ATRNL1: variants seen among roughly 807,000 people sequenced by gnomAD.
ATRNL1 encodes the protein attractin like 1, also known as attractin-like protein 1.
In ATRNL1, 95 loss-of-function variants were observed where a neutral mutation model predicts 182.7. The observed-to-expected ratio is 0.52, with a 90% CI of 0.44 to 0.62. ATRNL1 has a LOEUF of 0.62. ATRNL1 is among the 20% of genes least tolerant of loss of function. The pLI, the probability that ATRNL1 is intolerant of heterozygous loss-of-function variation, is 0.00. For missense variants in ATRNL1, 1,471 were observed against 1,679.5 expected (o/e 0.88, Z 2.17); for synonymous variants, 576 against 568.3 (o/e 1.01, Z -0.19).
intron 20 of ATRNL1, among the ~76,000 whole-genome samples, chr10:115,398,010 A>T (rs1436153622): frequency 1.3e-5 from 2 of 151,920 alleles, no homozygotes; most frequent in African/African-American, 4.8e-5. Context: ...AGGGTAGTTG[A>T]TATTTGGCGG....
At chr10:115,307,482 G>C (rs1853792795) in intron 17 of ATRNL1, among the ~76,000 whole-genome samples, 1 of 152,066 alleles carries the variant, frequency 6.6e-6, no homozygotes, top group Admixed American at 6.6e-5. Context: ...GGCTGGTCTT[G>C]AACTCCTGAC....
At chr10:115,610,321 A>T (rs1307432098) in intron 26 of ATRNL1, among the ~76,000 whole-genome samples, 1 of 152,208 alleles carries the variant, frequency 6.6e-6, no homozygotes, top group Non-Finnish European at 1.5e-5. Flanking sequence ...GAGGAAATTT[A>T]ATAAACGAAT....
intron 28 of ATRNL1, among the ~76,000 whole-genome samples, chr10:115,911,354 G>A (rs1952672355): frequency 1.3e-5 from 2 of 151,886 alleles, no homozygotes; most frequent in African/African-American, 4.8e-5. Context: ...TTTCACTCTT[G>A]TTGCCCAGGC....
chr10:115,321,017 C>G (rs1300620246), intron 18 of ATRNL1, among the ~76,000 whole-genome samples: 1 of 152,018 alleles, frequency 6.6e-6, no homozygotes, highest in Non-Finnish European at 1.5e-5. Context: ...TTGAGTTTGT[C>G]TAGTTTTGAG....
At chr10:115,920,516 T>A (rs1268649899) in intron 28 of ATRNL1, among the ~76,000 whole-genome samples, 1 of 152,208 alleles carries the variant, frequency 6.6e-6, no homozygotes, top group Non-Finnish European at 1.5e-5. Context: ...TTTACCTGTG[T>A]TATAGACACC....
intron 8 of ATRNL1, among the ~76,000 whole-genome samples, chr10:115,203,147 T>C (rs1318870692): frequency 6.6e-6 from 1 of 152,144 alleles, no homozygotes; most frequent in African/African-American, 2.4e-5. Context: ...TACTTTGTTA[T>C]TACAACCAGA....
At chr10:115,868,860 C>T (rs1427626270) in intron 28 of ATRNL1, among the ~76,000 whole-genome samples, 3 of 67,942 alleles carry the variant, frequency 4.4e-5, no homozygotes, top group Non-Finnish European at 1.0e-4. Flanking sequence ...GACGGAGTCT[C>T]GCTCTGTCGC....
chr10:115,734,603 A>T (rs2420110), intron 27 of ATRNL1, among the ~76,000 whole-genome samples: 1 of 151,810 alleles, frequency 6.6e-6, no homozygotes, highest in Admixed American at 6.6e-5. Context: ...TCATCTTTCT[A>T]TTGGAACATT....
In ATRNL1 at chr10:115,597,584, T is replaced by C. The variant is rs1555014432; in HGVS notation, c.3795+48048T>C. 1.3e-5 allele frequency: 5 copies of C among 377,264 alleles called. No homozygotes were observed. The Admixed American group carries it at 1.4e-4, about 11-fold the overall frequency. The allele number at this position is 377,264 out of a possible 1,614,324, so 23.4% of individuals were successfully genotyped here. ...TTATGGGAGCTTTTTTTTTTTTTTT[T>C]TTTTGGAGACAGAGTCACACTCTTG... On this transcript the variant is annotated intron_variant, in intron 26 of 28. Coordinates refer to ENST00000355044, the MANE Select transcript of ATRNL1 (RefSeq NM_207303.4).
intron 5 of ATRNL1, among the ~76,000 whole-genome samples, chr10:115,135,600 G>C (rs894162915): frequency 6.6e-6 from 1 of 152,122 alleles, no homozygotes; most frequent in African/African-American, 2.4e-5. Flanking sequence ...TGTGAAAATG[G>C]CCATACTGCC....
chr10:115,507,800 C>G (rs7922670), intron 24 of ATRNL1, among the ~76,000 whole-genome samples: 63,484 of 151,686 alleles, frequency 0.42, 14,041 homozygotes, highest in Middle Eastern at 0.5. Flanking sequence ...TTGCCATTCA[C>G]ACAAAATCCA....
rs573691141 is a variant in ATRNL1, at chr10:115,153,697, G to GT, written c.830-6337dup. Among the ~76,000 whole-genome samples the GT allele has an allele frequency of 3.9e-5, 6 of 151,996 alleles. No individual in the cohort carries two copies. The South Asian group carries it at 1.2e-3, about 32-fold the overall frequency. On this transcript the variant is annotated intron_variant, in intron 5 of 28. Transcript: ENST00000355044. ...CTGGATTCATTGATTTTTTTGAAGG[G>GT]TTTTTTGTGTCTCTATCTCCTTCAG...
chr10:115,095,937 T>C (rs2085001133), intron 1 of ATRNL1, among the ~76,000 whole-genome samples: 1 of 152,212 alleles, frequency 6.6e-6, no homozygotes, highest in African/African-American at 2.4e-5. Context: ...GCTGCAGTCC[T>C]GAGAAGCTTC....
chr10:115,642,452 T>C (rs200307994), intron 26 of ATRNL1, among the ~76,000 whole-genome samples: 2 of 145,670 alleles, frequency 1.4e-5, no homozygotes, highest in Non-Finnish European at 1.5e-5. Flanking sequence ...TTTTTTTTTC[T>C]TTTTTTTTGA....
chr10:115,738,125 G>A (rs989663298), intron 27 of ATRNL1, among the ~76,000 whole-genome samples: 1 of 53,150 alleles, frequency 1.9e-5, no homozygotes, highest in Non-Finnish European at 3.8e-5. Context: ...AGAAGATAAT[G>A]ATTTTTTTTT....
At chr10:115,397,529 G>C (rs1000222015) in intron 20 of ATRNL1, among the ~76,000 whole-genome samples, 1 of 151,900 alleles carries the variant, frequency 6.6e-6, no homozygotes, top group Non-Finnish European at 1.5e-5. Flanking sequence ...CACAATGTAA[G>C]TGTTCAATAA....
chr10:115,457,816 A>G (rs1339655779), intron 21 of ATRNL1, among the ~76,000 whole-genome samples: 2 of 152,028 alleles, frequency 1.3e-5, no homozygotes, highest in African/African-American at 4.8e-5. Flanking sequence ...ACCTCAGGGA[A>G]TAGTTCCAAA....
In ATRNL1 at chr10:115,304,797, G is replaced by T. The variant is rs747933267; in HGVS notation, c.2818+2754G>T. ...GGCCATATTCCCAAATACATGTGGG[G>T]CAAGGGCAAGAGGACAAAGGTGGGA... On this transcript the variant is annotated intron_variant, in intron 17 of 28. Coordinates refer to ENST00000355044, the MANE Select transcript of ATRNL1 (RefSeq NM_207303.4). 2.0e-5 allele frequency among the ~76,000 whole-genome samples: 3 copies of T among 152,250 alleles called. No individual in the cohort carries two copies. The East Asian group carries it at 5.8e-4, about 29-fold the overall frequency.
chr10:115,875,404 A>T (rs1555106985), intron 28 of ATRNL1, among the ~76,000 whole-genome samples: 1 of 152,168 alleles, frequency 6.6e-6, no homozygotes, highest in Non-Finnish European at 1.5e-5. Context: ...GACTGGCCAG[A>T]TCAGATACCA....
Sources: allele counts gnomAD v4.1 joint callset (sites outside exome capture counted in the v4.1 genomes callset), GRCh38; gene constraint gnomAD v4.1.1; transcripts MANE v1.5; gene names NCBI Gene and HGNC (gene_info 2026-07-23, HGNC 2026-07-21).